FRRS1L: variants seen among roughly 807,000 people sequenced by gnomAD.
The protein encoded by FRRS1L is ferric chelate reductase 1 like.
A neutral mutation model predicts 28.6 loss-of-function variants in FRRS1L; 22 were observed. The observed-to-expected ratio is 0.77, with a 90% CI of 0.55 to 1.10. The LOEUF (loss-of-function observed/expected upper bound fraction) is 1.10. Among genes scored for constraint, FRRS1L ranks in the 50% least tolerant of loss-of-function variants. The pLI, the probability that FRRS1L is intolerant of heterozygous loss-of-function variation, is 0.00. For missense variants in FRRS1L, 380 were observed against 386.9 expected (o/e 0.98, Z 0.15); for synonymous variants, 158 against 151.4 (o/e 1.04, Z -0.32).
Position 109,137,396 on chromosome 9 carries a change from A to T in FRRS1L, c.*59T>A. The T allele has an allele frequency of 9.3e-7, 1 of 1,081,056 alleles. No individual in the cohort carries two copies. The highest frequency in any genetic ancestry group is 1.3e-6 in the Non-Finnish European group (1 of 791,928). The allele number at this position is 1,081,056 out of a possible 1,614,324, so 67.0% of individuals were successfully genotyped here. Reference sequence around the variant, plus strand: ...AAAATTATACTGGATATTCTTTAAAAAATATATTTATACTAAAGACTTCCC... The same window carrying T: ...AAAATTATACTGGATATTCTTTAAATAATATATTTATACTAAAGACTTCCC... On this transcript the variant is annotated 3_prime_UTR_variant, in exon 5 of 5. Coordinates refer to ENST00000561981, the MANE Select transcript of FRRS1L (RefSeq NM_014334.4).
intron 1 of FRRS1L, among the ~76,000 whole-genome samples, chr9:109,159,040 T>C (rs1831446757): frequency 6.6e-6 from 1 of 152,354 alleles, no homozygotes; most frequent in South Asian, 2.1e-4. Flanking sequence ...TCTTTATGAT[T>C]TGGATTTGCA....
chr9:109,138,828 T>C (rs1831145677), intron 4 of FRRS1L: 1 of 152,414 alleles, frequency 6.6e-6, no homozygotes, highest in Admixed American at 6.5e-5. Context: ...TCCAACCTCA[T>C]ACCCCTTTCA....
intron 3 of FRRS1L, among the ~76,000 whole-genome samples, chr9:109,146,229 T>TA (rs1174511401): frequency 6.6e-6 from 1 of 151,852 alleles, no homozygotes; most frequent in African/African-American, 2.4e-5. Context: ...ATAAATTAAA[T>TA]AAATAAATAA....
chr9:109,165,972 T>C (rs1831542995), intron 1 of FRRS1L, among the ~76,000 whole-genome samples: 1 of 152,240 alleles, frequency 6.6e-6, no homozygotes, highest in South Asian at 2.1e-4. Context: ...TCTAGTTTTC[T>C]TTCTGTAAGA....
chr9:109,142,853 TG>T (rs2118471876), intron 3 of FRRS1L, among the ~76,000 whole-genome samples: 1 of 151,572 alleles, frequency 6.6e-6, no homozygotes, highest in South Asian at 2.1e-4. Flanking sequence ...AAAAATAAAA[TG>T]GTTAATTTTG....
At chr9:109,164,659 G>A (rs890366463) in intron 1 of FRRS1L, among the ~76,000 whole-genome samples, 29 of 152,008 alleles carry the variant, frequency 1.9e-4, no homozygotes, top group African/African-American at 6.5e-4. Flanking sequence ...GCCTCCCAAA[G>A]TGCTGGGATT....
intron 1 of FRRS1L, among the ~76,000 whole-genome samples, chr9:109,165,463 G>A (rs987535875): frequency 7.2e-5 from 11 of 152,134 alleles, no homozygotes; most frequent in Non-Finnish European, 1.0e-4. Flanking sequence ...ATGACCTTGC[G>A]GAACAGAGTC....
chr9:109,141,641 A>T, intron 3 of FRRS1L, 52 bp from the exon 4 acceptor site: 1 of 1,566,730 alleles, frequency 6.4e-7, no homozygotes, highest in Non-Finnish European at 8.7e-7. Context: ...CATCTTTTGC[A>T]CACTGGTCAC....
intron 3 of FRRS1L, among the ~76,000 whole-genome samples, chr9:109,146,303 A>T (rs188459110): frequency 3.3e-5 from 5 of 152,360 alleles, no homozygotes; most frequent in Non-Finnish European, 7.3e-5. Flanking sequence ...TGAACAGAAG[A>T]GGGTGGTGGC....
At position 109,137,438 on chromosome 9, in the gene FRRS1L, T is replaced by C; in HGVS notation, c.*17A>G. On this transcript the variant is annotated 3_prime_UTR_variant, in exon 5 of 5. Coordinates refer to ENST00000561981, the MANE Select transcript of FRRS1L (RefSeq NM_014334.4). ...AGACTTCCCAATCCATGTAATCTGT[T>C]GGCCCTGCAGCTGTGGTTAGGGGGT... 6.7e-7 allele frequency: 1 copy of C among 1,497,588 alleles called. No individual in the cohort carries two copies. The highest frequency in any genetic ancestry group is 9.0e-7 in the Non-Finnish European group (1 of 1,110,938). 92.8% of individuals were successfully genotyped at this position (1,497,588 alleles called of 1,614,324 possible). A position where few individuals can be genotyped will look rare whatever the true frequency, so the allele number is the denominator to read the frequency against.
chr9:109,160,050 A>G (rs1465616929), intron 1 of FRRS1L, among the ~76,000 whole-genome samples: 12 of 151,994 alleles, frequency 7.9e-5, no homozygotes. Flanking sequence ...CCTTTACTGA[A>G]TATTTGGTTT....
chr9:109,142,943 G>C (rs1459254700), intron 3 of FRRS1L, among the ~76,000 whole-genome samples: 1 of 152,214 alleles, frequency 6.6e-6, no homozygotes. Flanking sequence ...TTGGGAGCCT[G>C]AGGTGGGAGG....
intron 1 of FRRS1L, among the ~76,000 whole-genome samples, chr9:109,156,492 G>T (rs1197892967): frequency 6.6e-6 from 1 of 151,650 alleles, no homozygotes; most frequent in Non-Finnish European, 1.5e-5. Context: ...GGGTTCAAGC[G>T]ATTCTCCTGC....
intron 1 of FRRS1L, among the ~76,000 whole-genome samples, chr9:109,166,202 ATCCGCTTG>A (rs1238777156): frequency 1.3e-5 from 2 of 152,044 alleles, no homozygotes; most frequent in African/African-American, 4.8e-5. Flanking sequence ...TCTGACCACC[ATCCGCTTG>A]GCTTTTGTGC....
At chr9:109,149,594 C>A in intron 2 of FRRS1L, 42 bp downstream of exon 2, 2 of 1,298,712 alleles carry the variant, frequency 1.5e-6, no homozygotes, top group South Asian at 2.4e-5. Flanking sequence ...AGAAGTAAAT[C>A]AGTCTTAGCC....
At chr9:109,143,461 T>G (rs1313706088) in intron 3 of FRRS1L, among the ~76,000 whole-genome samples, 1 of 151,556 alleles carries the variant, frequency 6.6e-6, no homozygotes, top group Non-Finnish European at 1.5e-5. Flanking sequence ...AACCTAAAAC[T>G]GCTGTAAAAC....
At chr9:109,159,354 C>T (rs891752453) in intron 1 of FRRS1L, among the ~76,000 whole-genome samples, 28 of 152,054 alleles carry the variant, frequency 1.8e-4, no homozygotes, top group African/African-American at 6.5e-4. Flanking sequence ...TTTCTTTAAG[C>T]GTGTTTTAGG....
intron 1 of FRRS1L, chr9:109,150,358 G>A (rs1486392612): frequency 2.6e-5 from 4 of 152,190 alleles, no homozygotes; most frequent in Non-Finnish European, 5.9e-5. Flanking sequence ...TGGGATTACA[G>A]GCGCCGGCCA....
chr9:109,154,603 T>C (rs766555470), intron 1 of FRRS1L, among the ~76,000 whole-genome samples: 66 of 152,218 alleles, frequency 4.3e-4, no homozygotes, highest in Non-Finnish European at 6.9e-4. Context: ...AGAATTAAAT[T>C]GGTATTTCTT....
Sources: allele counts gnomAD v4.1 joint callset (sites outside exome capture counted in the v4.1 genomes callset), GRCh38; gene constraint gnomAD v4.1.1; transcripts MANE v1.5; gene names NCBI Gene and HGNC (gene_info 2026-07-23, HGNC 2026-07-21).